The following TENM3 variants were observed in gnomAD, a reference collection of about 807,000 sequenced individuals.
TENM3 encodes the protein teneurin transmembrane protein 3.
Under a neutral mutation model 255.1 loss-of-function variants are expected in TENM3, and 63 were observed. The observed-to-expected ratio is 0.25, with a 90% CI of 0.20 to 0.30. TENM3 has a LOEUF of 0.30. Ranked by LOEUF, TENM3 falls within the 10% of genes least tolerant of loss-of-function variation. The pLI is 1.00. For synonymous variants in TENM3, 1,306 were observed against 1,322.3 expected (o/e 0.99, Z 0.27); for missense variants, 2,929 against 3,461.1 (o/e 0.85, Z 3.86).
At chr4:181,659,656 G>A in the TENM3 span, among the ~76,000 whole-genome samples, 2 of 152,090 alleles carry the variant, frequency 1.3e-5, no homozygotes, top group African/African-American at 4.8e-5. Flanking sequence ...AAGGTATTCA[G>A]GAAAAGTGCT....
chr4:181,616,728 T>A, the TENM3 span, among the ~76,000 whole-genome samples: 2 of 152,184 alleles, frequency 1.3e-5, no homozygotes, highest in East Asian at 3.9e-4. Flanking sequence ...GGCTGGAGAA[T>A]CTAGAGTTCT....
intron 19 of TENM3, among the ~76,000 whole-genome samples, chr4:182,749,478 AG>A (rs1046654328): frequency 4.6e-5 from 7 of 152,226 alleles, no homozygotes; most frequent in Non-Finnish European, 1.0e-4. Context: ...ATTGCACTGT[AG>A]GAAGAGACAG....
chr4:181,726,762 G>A, the TENM3 span, among the ~76,000 whole-genome samples: 1 of 152,128 alleles, frequency 6.6e-6, no homozygotes, highest in African/African-American at 2.4e-5. Flanking sequence ...CACAGGTTGA[G>A]GGCTCAGTCC....
In TENM3 at chr4:182,363,052, C is replaced by A. The variant is rs551466377; in HGVS notation, c.511+16123C>A. 2.0e-5 allele frequency among the ~76,000 whole-genome samples: 3 copies of A among 152,202 alleles called. No individual in the cohort carries two copies. The South Asian group carries it at 6.2e-4, about 32-fold the overall frequency. ...ATTGATAATATTTGATGGAACTGAG[C>A]GACCATGTCATCAGAAGCTTTGGAG... is the stretch of plus-strand genomic sequence containing the variant. On this transcript the variant is annotated intron_variant, in intron 3 of 27. Coordinates refer to ENST00000511685, the MANE Select transcript of TENM3 (RefSeq NM_001080477.4).
intron 2 of TENM3, among the ~76,000 whole-genome samples, chr4:182,335,687 A>T (rs1038065030): frequency 4.6e-5 from 7 of 152,064 alleles, no homozygotes; most frequent in Non-Finnish European, 1.0e-4. Context: ...AGATAGACTT[A>T]AATGATTAGT....
chr4:182,684,298 C>T (rs980125203), intron 11 of TENM3, among the ~76,000 whole-genome samples: 5 of 151,552 alleles, frequency 3.3e-5, no homozygotes, highest in Non-Finnish European at 7.4e-5. Flanking sequence ...AAACATAAGT[C>T]TTGGCTTCAG....
intron 13 of TENM3, among the ~76,000 whole-genome samples, chr4:182,728,603 A>G (rs994079005): frequency 3.3e-5 from 5 of 152,228 alleles, no homozygotes; most frequent in Admixed American, 1.3e-4. Context: ...ACGCAAATCT[A>G]GATGGCACAG....
At chr4:181,735,009 T>A in the TENM3 span, among the ~76,000 whole-genome samples, 1 of 152,138 alleles carries the variant, frequency 6.6e-6, no homozygotes, top group Non-Finnish European at 1.5e-5. Context: ...AAGAAGCAAT[T>A]AACAAGTATG....
chr4:182,160,215 G>A (rs981560012), intron 1 of TENM3, among the ~76,000 whole-genome samples: 3 of 151,590 alleles, frequency 2.0e-5, no homozygotes, highest in Non-Finnish European at 4.4e-5. Flanking sequence ...TGTTAGCCAG[G>A]ATGGTCTCGA....
chr4:182,650,609 C>T lies in TENM3; in HGVS notation c.989-3162C>T, dbSNP rs1167782775. ...CCTCTCTCCTTTCTCTCCTTCTTCT[C>T]GTCTCTCTCTCTCCTCTCTCTAACT... On this transcript the variant is annotated intron_variant, in intron 5 of 27. Transcript: ENST00000511685. 1.3e-5 allele frequency among the ~76,000 whole-genome samples: 2 copies of T among 149,320 alleles called. 1 individual carries two copies. Among genetic ancestry groups the T allele is most frequent in the Non-Finnish European group, 3.0e-5 (2 of 67,026 alleles).
At chr4:181,482,499 G>T in the TENM3 span, among the ~76,000 whole-genome samples, 1 of 152,148 alleles carries the variant, frequency 6.6e-6, no homozygotes, top group Non-Finnish European at 1.5e-5. Flanking sequence ...TAGGTGTACA[G>T]TGTAGCTACT....
At chr4:182,426,336 A>G (rs565832270) in intron 3 of TENM3, among the ~76,000 whole-genome samples, 12 of 152,292 alleles carry the variant, frequency 7.9e-5, no homozygotes, top group African/African-American at 2.9e-4. Flanking sequence ...TTGACTTTGA[A>G]AAACTAATGA....
intron 1 of TENM3, among the ~76,000 whole-genome samples, chr4:182,222,774 T>C (rs1184275477): frequency 6.6e-6 from 1 of 152,206 alleles, no homozygotes; most frequent in African/African-American, 2.4e-5. Context: ...TAATTTACAG[T>C]GGGATGGGAG....
chr4:182,420,829 T>C (rs1008325812), intron 3 of TENM3, among the ~76,000 whole-genome samples: 2 of 152,226 alleles, frequency 1.3e-5, no homozygotes, highest in Admixed American at 6.5e-5. Flanking sequence ...AATTCTGTTT[T>C]TTATTTGACG....
chr4:182,595,451 T>G (rs1747113141), intron 3 of TENM3, among the ~76,000 whole-genome samples: 5 of 152,164 alleles, frequency 3.3e-5, no homozygotes, highest in Admixed American at 3.3e-4. Flanking sequence ...ACAGAATGCC[T>G]TAAGTGACGC....
At chr4:182,787,638 G>T (rs1327481068) in intron 24 of TENM3, among the ~76,000 whole-genome samples, 1 of 150,382 alleles carries the variant, frequency 6.6e-6, no homozygotes, top group Non-Finnish European at 1.5e-5. Context: ...GGAGGCTGAG[G>T]CAGGAGAATG....
chr4:182,127,191 T>C, the TENM3 span, among the ~76,000 whole-genome samples: 3 of 152,220 alleles, frequency 2.0e-5, no homozygotes, highest in Admixed American at 1.3e-4. Flanking sequence ...CTTAAGAATG[T>C]ATGTGCAAAG....
chr4:182,668,392 T>C (rs1472636305), intron 6 of TENM3, among the ~76,000 whole-genome samples: 1 of 152,114 alleles, frequency 6.6e-6, no homozygotes, highest in Non-Finnish European at 1.5e-5. Flanking sequence ...ATTGAAAAGT[T>C]TTAATGTTTC....
At chr4:181,919,833 T>C in the TENM3 span, among the ~76,000 whole-genome samples, 6 of 150,986 alleles carry the variant, frequency 4.0e-5, no homozygotes, top group Admixed American at 1.3e-4. Context: ...GCTGCACCCA[T>C]TAACTCGTCA....
Sources: gnomAD v4.1 joint callset for allele counts (sites outside exome capture counted in the v4.1 genomes callset) on GRCh38, gnomAD v4.1.1 for gene constraint, MANE v1.5 for transcripts, NCBI Gene and HGNC (gene_info 2026-07-23, HGNC 2026-07-21) for gene names.